The following RGS10 variants were observed in gnomAD, a reference collection of about 807,000 sequenced individuals.
RGS10 encodes regulator of G-protein signalling 10.
In RGS10, 11 loss-of-function variants were observed where a neutral mutation model predicts 23.5. The observed-to-expected ratio is 0.47, with a 90% CI of 0.29 to 0.77. The LOEUF is 0.77. Ranked by LOEUF, RGS10 falls within the 30% of genes least tolerant of loss-of-function variation. The pLI is 0.08. For synonymous variants in RGS10, 77 were observed against 83.2 expected (o/e 0.92, Z 0.41); for missense variants, 180 against 226.3 (o/e 0.80, Z 1.31).
chr10:119,540,928 G>A (rs115904853), intron 1 of RGS10, among the ~76,000 whole-genome samples: 56 of 152,306 alleles, frequency 3.7e-4, no homozygotes, highest in African/African-American at 1.3e-3. Context: ...GTGGAGAAAG[G>A]TGCTGGAACA....
chr10:119,500,370 C>A (rs1290086070), intron 4 of RGS10, 111 bp from the exon 5 acceptor site: 12 of 929,226 alleles, frequency 1.3e-5, no homozygotes, highest in Non-Finnish European at 1.6e-5. Context: ...CTAACATGTG[C>A]AAAGAACACA....
At chr10:119,503,367 T>A (rs1211342400) in intron 4 of RGS10, among the ~76,000 whole-genome samples, 1 of 150,984 alleles carries the variant, frequency 6.6e-6, no homozygotes, top group Non-Finnish European at 1.5e-5. Context: ...AGAATGCACC[T>A]AAAACTTTCT....
intron 4 of RGS10, among the ~76,000 whole-genome samples, chr10:119,502,031 C>G (rs113979492): frequency 0.013 from 2,032 of 152,264 alleles, 19 homozygotes; most frequent in Middle Eastern, 0.034. Context: ...CTCAGCAAGA[C>G]CCTGCCTCCT....
intron 4 of RGS10, among the ~76,000 whole-genome samples, chr10:119,502,408 T>C (rs1843961974): frequency 6.6e-6 from 1 of 152,148 alleles, no homozygotes; most frequent in Non-Finnish European, 1.5e-5. Flanking sequence ...CTCAGTCCTG[T>C]ACCCACTCCC....
intron 1 of RGS10, chr10:119,536,348 CA>C: frequency 2.2e-6 from 2 of 890,918 alleles, no homozygotes; most frequent in Non-Finnish European, 3.5e-6. Flanking sequence ...GGCCCTTCCA[CA>C]GTCACCTGTG....
At chr10:119,540,044 C>T (rs1183165730) in intron 1 of RGS10, among the ~76,000 whole-genome samples, 1 of 152,092 alleles carries the variant, frequency 6.6e-6, no homozygotes, top group Non-Finnish European at 1.5e-5. Context: ...CCAAATGACC[C>T]CTTTCTCACT....
In RGS10 at chr10:119,516,461, G is replaced by A. The variant is rs924444272; in HGVS notation, c.256-809C>T. On this transcript the variant is annotated intron_variant, in intron 3 of 4. Transcript: ENST00000369103. ...TGGCATGGCTTATCTGAGAGCTTCC[G>A]GGAGCCTTAGGACTGTTTGGCTCCA... The A allele has an allele frequency of 7.9e-5, 12 of 152,298 alleles. 1 individual carries two copies. The East Asian group carries it at 9.6e-4, about 12-fold the overall frequency. The allele number at this position is 152,298 out of a possible 1,614,324, so 9.4% of individuals were successfully genotyped here. A position where few individuals can be genotyped will look rare whatever the true frequency, so the allele number is the denominator to read the frequency against.
chr10:119,520,510 G>A (rs1169679434), intron 3 of RGS10, among the ~76,000 whole-genome samples: 2 of 152,178 alleles, frequency 1.3e-5, no homozygotes, highest in African/African-American at 4.8e-5. Context: ...ACCTTCAACA[G>A]AAGAGTTGAG....
rs951550557 is a variant in RGS10, at chr10:119,538,832, G to A, written c.49+3758C>T. On this transcript the variant is annotated intron_variant, in intron 1 of 4. Transcript: ENST00000369103. The surrounding 1 kb of genome is among the most constrained non-coding windows in gnomAD (Gnocchi z 4.5). ...TGCTGCAGCAAAGAACTATCTGGGG[G>A]AAGCAGAAGAAACTTGGGGGCATAA... Among the ~76,000 whole-genome samples the A allele has an allele frequency of 1.3e-5, 2 of 152,152 alleles. No homozygotes were observed. The highest frequency in any genetic ancestry group is 2.4e-5 in the African/African-American group (1 of 41,430).
chr10:119,533,330 T>C lies in RGS10; in HGVS notation c.50-5906A>G, dbSNP rs115195057. Among the ~76,000 whole-genome samples the C allele has an allele frequency of 9.3e-3, 1,414 of 151,952 alleles. 24 individuals are homozygous for C. Among genetic ancestry groups the C allele is most frequent in the African/African-American group, 0.033 (1,360 of 41,412 alleles). ...CTGGGTGACAGAGAGAGACTCCGTC[T>C]TAGGGAAAAAAGTTTAAAAAAAAAA... On this transcript the variant is annotated intron_variant, in intron 1 of 4. Coordinates refer to ENST00000369103, the MANE Select transcript of RGS10 (RefSeq NM_001005339.2).
rs1057390863 is a variant in RGS10 at position 119,510,374 on chromosome 10, C to T, written c.399+5135G>A. On this transcript the variant is annotated intron_variant, in intron 4 of 4. Transcript: ENST00000369103. Reference sequence around the variant, plus strand: ...CCTCGGGGCCTTTGCGCTCACCTCTCCTTGGAAGGTCCCGGCTCCCAGGTC... The same window carrying T: ...CCTCGGGGCCTTTGCGCTCACCTCTTCTTGGAAGGTCCCGGCTCCCAGGTC... 4.6e-5 allele frequency among the ~76,000 whole-genome samples: 7 copies of T among 152,318 alleles called. No homozygotes were observed. In the East Asian group the frequency reaches 9.6e-4, roughly 21 times the overall value.
At chr10:119,537,165 G>A (rs960113395) in intron 1 of RGS10, among the ~76,000 whole-genome samples, 2 of 152,132 alleles carry the variant, frequency 1.3e-5, no homozygotes, top group Non-Finnish European at 2.9e-5. Flanking sequence ...GGCCGAGGCG[G>A]GCAGATCACC....
intron 4 of RGS10, among the ~76,000 whole-genome samples, chr10:119,507,971 G>A (rs761538772): frequency 6.6e-6 from 1 of 152,028 alleles, no homozygotes; most frequent in Non-Finnish European, 1.5e-5. Context: ...CCTCGGGAAG[G>A]CACCCTAGCA....
rs1451087424 is a variant in RGS10, at chr10:119,538,739, A to G, written c.49+3851T>C. ...CTCACTCCAGCGGATGCCGCCTGAC[A>G]GCTCTTATCAAGGGGCCACTGCTGC... On this transcript the variant is annotated intron_variant, in intron 1 of 4. Transcript: ENST00000369103. This position sits in a 1 kb window ranked among gnomAD's most constrained non-coding sequence, Gnocchi z 4.5. Among the ~76,000 whole-genome samples the G allele has an allele frequency of 6.6e-6, 1 of 152,182 alleles. No homozygotes were observed. Among genetic ancestry groups the G allele is most frequent in the Non-Finnish European group, 1.5e-5 (1 of 68,024 alleles).
In RGS10 at chr10:119,536,881, C is replaced by T. The variant is rs1457384650; in HGVS notation, c.49+5709G>A. ...CCTCCTACTCTGCCTCAATCTGTCC[C>T]GCACCCTCCCTCGAGGCAAAGTAAA... On this transcript the variant is annotated intron_variant, in intron 1 of 4. Transcript: ENST00000369103. Among the ~76,000 whole-genome samples, 5 of 152,260 alleles carry T rather than the reference C, an allele frequency of 3.3e-5. No individual in the cohort carries two copies. The South Asian group carries it at 6.2e-4, about 19-fold the overall frequency.
intron 3 of RGS10, among the ~76,000 whole-genome samples, chr10:119,525,588 C>T (rs1441098375): frequency 6.6e-6 from 1 of 152,230 alleles, no homozygotes; most frequent in Non-Finnish European, 1.5e-5. Context: ...CAGAGGCTTT[C>T]TCTGCAGGAT....
intron 4 of RGS10, among the ~76,000 whole-genome samples, chr10:119,512,718 T>G (rs1385365468): frequency 2.0e-5 from 3 of 152,120 alleles, no homozygotes. Context: ...TGGCTAATTT[T>G]TGTATTTTTA....
intron 1 of RGS10, among the ~76,000 whole-genome samples, chr10:119,542,057 C>T (rs1844439329): frequency 6.6e-6 from 1 of 152,218 alleles, no homozygotes; most frequent in Non-Finnish European, 1.5e-5. Context: ...CAGAAGTGCC[C>T]TTCTCCATCC....
chr10:119,533,357 GA>G (rs1844352380), intron 1 of RGS10, among the ~76,000 whole-genome samples: 1 of 151,484 alleles, frequency 6.6e-6, no homozygotes, highest in African/African-American at 2.4e-5. Flanking sequence ...AAAAAAAAAA[GA>G]AAAAAATGTT....
Sources: gnomAD v4.1 joint callset for allele counts (sites outside exome capture counted in the v4.1 genomes callset) on GRCh38, gnomAD v4.1.1 for gene constraint, Gnocchi (gnomAD v3.1) non-coding constraint, MANE v1.5 for transcripts, NCBI Gene and HGNC (gene_info 2026-07-23, HGNC 2026-07-21) for gene names.